ASAP1: variants seen among roughly 807,000 people sequenced by gnomAD.
ASAP1 encodes the protein ArfGAP with SH3 domain, ankyrin repeat and PH domain 1, also known as arf-GAP with SH3 domain, ANK repeat and PH domain-containing protein 1.
Under a neutral mutation model 145.2 loss-of-function variants are expected in ASAP1, and 43 were observed. That is an observed-to-expected ratio of 0.30 (90% CI 0.23 to 0.38). The LOEUF (loss-of-function observed/expected upper bound fraction) is 0.38. Ranked by LOEUF, ASAP1 falls within the 10% of genes least tolerant of loss-of-function variation. The probability of loss-of-function intolerance (pLI) is 1.00; values close to 1 mark genes in which losing one functional copy is unlikely to be tolerated. For missense variants in ASAP1, 1,018 were observed against 1,355.3 expected, an observed-to-expected ratio of 0.75 and a Z score of 3.91; for synonymous variants, 546 against 515.5, an observed-to-expected ratio of 1.06 and a Z score of -0.80.
At chr8:130,391,395 T>C (rs1828278151) in intron 2 of ASAP1, among the ~76,000 whole-genome samples, 1 of 152,242 alleles carries the variant, frequency 6.6e-6, no homozygotes, top group Non-Finnish European at 1.5e-5. Flanking sequence ...ACATACTTAA[T>C]GCCACTGAAT....
At chr8:130,230,677 T>G (rs552119083) in intron 4 of ASAP1, among the ~76,000 whole-genome samples, 3 of 152,182 alleles carry the variant, frequency 2.0e-5, no homozygotes, top group Non-Finnish European at 2.9e-5. Flanking sequence ...TAAAGCCTTT[T>G]GAGAGCTTAA....
intron 5 of ASAP1, among the ~76,000 whole-genome samples, chr8:130,197,697 G>A (rs1017137412): frequency 6.6e-6 from 1 of 152,228 alleles, no homozygotes; most frequent in Non-Finnish European, 1.5e-5. Flanking sequence ...GAATGACCCT[G>A]TGGCAGATGC....
At chr8:130,137,852 T>C (rs764478767) in intron 13 of ASAP1, among the ~76,000 whole-genome samples, 1 of 152,210 alleles carries the variant, frequency 6.6e-6, no homozygotes. Context: ...CCTGCCCATG[T>C]TCAAGGTCAC....
At chr8:130,365,471 G>C (rs1030833566) in intron 2 of ASAP1, among the ~76,000 whole-genome samples, 2 of 152,104 alleles carry the variant, frequency 1.3e-5, no homozygotes, top group African/African-American at 2.4e-5. Flanking sequence ...AAAAACTTGC[G>C]ATCTATAGGA....
chr8:130,232,152 C>G (rs183857764), intron 4 of ASAP1, among the ~76,000 whole-genome samples: 4 of 152,226 alleles, frequency 2.6e-5, no homozygotes, highest in Admixed American at 2.0e-4. Context: ...TATGGACTGG[C>G]CTTGGAAATC....
chr8:130,162,390 G>A (rs1051985801), intron 11 of ASAP1, among the ~76,000 whole-genome samples: 11 of 152,158 alleles, frequency 7.2e-5, no homozygotes, highest in African/African-American at 2.7e-4. Context: ...GGGAACTGAG[G>A]CATGAGACAA....
chr8:130,068,559 C>T (rs1284422300), intron 27 of ASAP1, among the ~76,000 whole-genome samples: 2 of 152,190 alleles, frequency 1.3e-5, no homozygotes, highest in Non-Finnish European at 2.9e-5. Flanking sequence ...TTAAACACTA[C>T]AGAGTAGAAG....
chr8:130,163,306 C>T (rs994650974), intron 11 of ASAP1, among the ~76,000 whole-genome samples: 3 of 152,150 alleles, frequency 2.0e-5, no homozygotes, highest in African/African-American at 7.2e-5. Flanking sequence ...CTTATAAAAA[C>T]GATTATATTC....
rs1554834314 is a variant in ASAP1, at chr8:130,153,350, T to TATATATAC, written c.1011-546_1011-545insGTATATAT. ...CTTTTTAAATATATATATATATATA[T>TATATATAC]ATATATATGTATATATATATATATA... is the stretch of plus-strand genomic sequence containing the variant. On this transcript the variant is annotated intron_variant, in intron 12 of 29. Coordinates refer to ENST00000518721, the MANE Select transcript of ASAP1 (RefSeq NM_018482.4). 1.0e-4 allele frequency among the ~76,000 whole-genome samples: 5 copies of TATATATAC among 48,534 alleles called. No homozygotes were observed. The Admixed American group carries it at 1.2e-3, about 11-fold the overall frequency. The allele number at this position is 48,534 out of a possible 152,430, so 31.8% of individuals were successfully genotyped here.
chr8:130,318,969 G>GATA (rs1823838481), intron 3 of ASAP1, among the ~76,000 whole-genome samples: 1 of 152,178 alleles, frequency 6.6e-6, no homozygotes, highest in Non-Finnish European at 1.5e-5. Context: ...TTAAAAGCTA[G>GATA]GAGTCTGCTT....
chr8:130,411,178 A>G (rs1043605461), intron 1 of ASAP1, among the ~76,000 whole-genome samples: 5 of 152,296 alleles, frequency 3.3e-5, no homozygotes, highest in South Asian at 4.1e-4. Context: ...CTTCTTCTGA[A>G]AAATGGAGAT....
rs1203114171 is a variant in ASAP1, at chr8:130,175,890, A to G, written c.746+3374T>C. ...AGAAAATAAGCTCTCGGTAAATGTT[A>G]GCTATTATTCTTATTATCTGTAAAA... On this transcript the variant is annotated intron_variant, in intron 9 of 29. Coordinates refer to ENST00000518721, the MANE Select transcript of ASAP1 (RefSeq NM_018482.4). 2.0e-5 allele frequency among the ~76,000 whole-genome samples: 3 copies of G among 152,234 alleles called. No homozygotes were observed. In the East Asian group the frequency reaches 5.8e-4, roughly 29 times the overall value.
At chr8:130,085,714 G>A (rs1394407844) in intron 25 of ASAP1, among the ~76,000 whole-genome samples, 2 of 126,076 alleles carry the variant, frequency 1.6e-5, no homozygotes, top group African/African-American at 6.0e-5. Context: ...CAGCCTAAGC[G>A]ACAGAACAAG....
At chr8:130,220,183 A>C (rs1446926968) in intron 4 of ASAP1, among the ~76,000 whole-genome samples, 1 of 152,038 alleles carries the variant, frequency 6.6e-6, no homozygotes, top group Non-Finnish European at 1.5e-5. Context: ...TAAAAACTAG[A>C]CCAGAAAAGG....
At chr8:130,229,864 A>C (rs766212005) in intron 4 of ASAP1, among the ~76,000 whole-genome samples, 1 of 152,020 alleles carries the variant, frequency 6.6e-6, no homozygotes, top group African/African-American at 2.4e-5. Flanking sequence ...AACATGGTGA[A>C]GCCCCATCTC....
At chr8:130,088,098 T>C (rs2097497601) in intron 25 of ASAP1, among the ~76,000 whole-genome samples, 2 of 152,160 alleles carry the variant, frequency 1.3e-5, no homozygotes, top group African/African-American at 4.8e-5. Context: ...AAAGGGTCTT[T>C]GTAAATATAA....
chr8:130,277,782 C>T (rs985692216), intron 3 of ASAP1, among the ~76,000 whole-genome samples: 77 of 152,272 alleles, frequency 5.1e-4, no homozygotes, highest in African/African-American at 1.7e-3. Flanking sequence ...CCCCAGATTA[C>T]ATAAATGTCT....
intron 3 of ASAP1, among the ~76,000 whole-genome samples, chr8:130,282,679 T>C (rs943454531): frequency 6.6e-6 from 1 of 152,180 alleles, no homozygotes; most frequent in African/African-American, 2.4e-5. Context: ...CCCAACAAAG[T>C]ATCCACATTA....
chr8:130,407,539 C>T (rs1455851451), intron 1 of ASAP1, among the ~76,000 whole-genome samples: 1 of 152,214 alleles, frequency 6.6e-6, no homozygotes, highest in Non-Finnish European at 1.5e-5. Context: ...TCAACCCCCA[C>T]GGTCTTCTGT....
Sources: gnomAD v4.1 joint callset for allele counts (sites outside exome capture counted in the v4.1 genomes callset) on GRCh38, gnomAD v4.1.1 for gene constraint, MANE v1.5 for transcripts, NCBI Gene and HGNC (gene_info 2026-07-23, HGNC 2026-07-21) for gene names.